The following GLDC variants were observed in gnomAD, a reference collection of about 807,000 sequenced individuals.
The protein encoded by GLDC is glycine decarboxylase, also known as glycine dehydrogenase (decarboxylating), mitochondrial.
In GLDC, 104 loss-of-function variants were observed where a neutral mutation model predicts 121.3. The observed-to-expected ratio is 0.86, with a 90% CI of 0.73 to 1.01. The LOEUF is 1.01. Ranked by LOEUF, GLDC falls within the 50% of genes least tolerant of loss-of-function variation. GLDC has a pLI of 0.00. For synonymous variants in GLDC, 546 were observed against 480.6 expected (o/e 1.14, Z -1.78); for missense variants, 1,429 against 1,306.6 (o/e 1.09, Z -1.44).
intron 15 of GLDC, among the ~76,000 whole-genome samples, chr9:6,571,468 T>C (rs1453173662): frequency 6.6e-6 from 1 of 152,174 alleles, no homozygotes; most frequent in Non-Finnish European, 1.5e-5. Context: ...CACTACTAAA[T>C]AAAATAAGGG....
intron 17 of GLDC, among the ~76,000 whole-genome samples, chr9:6,557,026 T>C (rs182688707): frequency 3.2e-4 from 49 of 152,286 alleles, no homozygotes; most frequent in African/African-American, 1.1e-3. Flanking sequence ...ATCCATTCCT[T>C]TCCCTTGCCT....
At chr9:6,597,023 T>C (rs1587954329) in intron 8 of GLDC, among the ~76,000 whole-genome samples, 2 of 152,150 alleles carry the variant, frequency 1.3e-5, no homozygotes, top group Admixed American at 6.5e-5. Flanking sequence ...GTCCAAACAA[T>C]GGGATATTAC....
At chr9:6,561,129 T>C (rs1328968173) in intron 16 of GLDC, among the ~76,000 whole-genome samples, 1 of 152,204 alleles carries the variant, frequency 6.6e-6, no homozygotes, top group Non-Finnish European at 1.5e-5. Flanking sequence ...TCTGCAACTA[T>C]AAGAAAATTA....
intron 17 of GLDC, among the ~76,000 whole-genome samples, chr9:6,556,564 G>A (rs963435429): frequency 1.2e-4 from 19 of 152,160 alleles, no homozygotes; most frequent in African/African-American, 3.4e-4. Flanking sequence ...AGGCCGAGGC[G>A]GGCAGATCAC....
At chr9:6,551,934 G>A (rs963434408) in intron 20 of GLDC, among the ~76,000 whole-genome samples, 2 of 152,220 alleles carry the variant, frequency 1.3e-5, no homozygotes, top group African/African-American at 4.8e-5. Flanking sequence ...TAAAAATGCA[G>A]ACGGCTTAAG....
rs748941890 is a variant in GLDC at position 6,604,671 on chromosome 9, G to A, written c.975C>T (p.Gly325=). Reference sequence around the variant, plus strand: ...AAAATGCTGCATGGGGTCCCCCATAGCCCAGTGGCACTCCAAATCTCTGGG... The same window carrying A: ...AAAATGCTGCATGGGGTCCCCCATAACCCAGTGGCACTCCAAATCTCTGGG... ...GSSQRFGVPL[G]YGGPHAAFFA... Residue 325 remains glycine, a synonymous_variant, in exon 7 of 25, where the codon GGC becomes GGT. Coordinates refer to ENST00000321612, the MANE Select transcript of GLDC (RefSeq NM_000170.3). 2 of 1,613,984 alleles carry A rather than the reference G, an allele frequency of 1.2e-6. No homozygotes were observed. The highest frequency in any genetic ancestry group is 1.7e-5 in the Admixed American group (1 of 60,002).
In GLDC at chr9:6,553,412, A is replaced by G; in HGVS notation, c.2413T>C (p.Trp805Arg). The G allele has an allele frequency of 6.2e-7, 1 of 1,613,742 alleles. No homozygotes were observed. The highest frequency in any genetic ancestry group is 1.3e-5 in the African/African-American group (1 of 75,022). ...ATGGGCAAGATGGAACTGGAGCCCC[A>G]TGGGGCCGCACTGACGGTTCCCACA... ...CPVGTVSAAP[W>R]GSSSILPISW... Residue 805 changes from tryptophan to arginine, a missense_variant, in exon 20 of 25, where the codon TGG (tryptophan) becomes CGG (arginine). By Grantham distance (101) the Trp-to-Arg change is moderately radical. Coordinates refer to ENST00000321612, the MANE Select transcript of GLDC (RefSeq NM_000170.3).
At chr9:6,632,482 G>A (rs1338760313) in intron 2 of GLDC, among the ~76,000 whole-genome samples, 5 of 152,172 alleles carry the variant, frequency 3.3e-5, no homozygotes, top group Non-Finnish European at 7.4e-5. Flanking sequence ...ATTTTTGTAT[G>A]AATACTCTGG....
chr9:6,553,990 GA>G (rs952340876), intron 19 of GLDC, among the ~76,000 whole-genome samples: 26 of 146,974 alleles, frequency 1.8e-4, no homozygotes, highest in African/African-American at 4.0e-4. Flanking sequence ...CGTAGTCCAA[GA>G]AAAAAAAAAC....
In GLDC at chr9:6,607,987, G is replaced by A. The variant is rs113073519; in HGVS notation, c.636-1318C>T. ...AAAATACAAAAATTAGCTGGGCATG[G>A]TGGCATGGGCCTATAGTCCCAGCTG... On this transcript the variant is annotated intron_variant, in intron 4 of 24. Transcript: ENST00000321612. Among the ~76,000 whole-genome samples, 559 of 152,138 alleles carry A rather than the reference G, an allele frequency of 3.7e-3. 2 individuals are homozygous for A. The highest frequency in any genetic ancestry group is 0.013 in the African/African-American group (536 of 41,516).
At chr9:6,551,910 AT>A (rs1292857489) in intron 20 of GLDC, among the ~76,000 whole-genome samples, 2 of 152,158 alleles carry the variant, frequency 1.3e-5, no homozygotes, top group African/African-American at 4.8e-5. Flanking sequence ...CCTATGTCTC[AT>A]GGGGGGATTT....
At chr9:6,617,825 G>A (rs1312739698) in intron 3 of GLDC, among the ~76,000 whole-genome samples, 2 of 152,212 alleles carry the variant, frequency 1.3e-5, no homozygotes. Flanking sequence ...TTATCAAATT[G>A]TTAACACTCA....
At chr9:6,638,450 G>A (rs1380453699) in intron 2 of GLDC, among the ~76,000 whole-genome samples, 2 of 151,900 alleles carry the variant, frequency 1.3e-5, no homozygotes, top group Non-Finnish European at 2.9e-5. Context: ...CCGGACCTCA[G>A]ATGATCCACC....
In GLDC at chr9:6,534,692, G is replaced by C. The variant is rs775233747; in HGVS notation, c.2919+16C>G. The C allele has an allele frequency of 1.1e-5, 16 of 1,444,748 alleles. No individual in the cohort carries two copies. The highest frequency in any genetic ancestry group is 1.7e-5 in the Admixed American group (1 of 59,650). 89.5% of individuals were successfully genotyped at this position (1,444,748 alleles called of 1,614,324 possible). A position where few individuals can be genotyped will look rare whatever the true frequency, so the allele number is the denominator to read the frequency against. ...CATGCCTTCCCAGCTGGCACATTCA[G>C]ATTCAGAGAACTTACGAGTGGGAAT... is the stretch of plus-strand genomic sequence containing the variant. On this transcript the variant is annotated intron_variant, in intron 24 of 24. Transcript: ENST00000321612.
In GLDC at chr9:6,643,420, C is replaced by T. The variant is rs997425382; in HGVS notation, c.334+1194G>A. Among the ~76,000 whole-genome samples, 3 of 150,284 alleles carry T rather than the reference C, an allele frequency of 2.0e-5. No homozygotes were observed. The Admixed American group carries it at 2.0e-4, about 10-fold the overall frequency. On this transcript the variant is annotated intron_variant, in intron 2 of 24. Transcript: ENST00000321612. ...AACAAAATAAAGCTTGCCATCTGCACACTAGATCCTTTCTATCATAGCAAC... is the reference window on the plus strand; with the variant it reads ...AACAAAATAAAGCTTGCCATCTGCATACTAGATCCTTTCTATCATAGCAAC...
intron 15 of GLDC, among the ~76,000 whole-genome samples, chr9:6,585,860 G>GTATCTATC (rs1323723139): frequency 9.9e-4 from 116 of 116,658 alleles, no homozygotes; most frequent in African/African-American, 3.4e-3. Flanking sequence ...ATGTATGTAT[G>GTATCTATC]TATGTATGTA....
intron 3 of GLDC, among the ~76,000 whole-genome samples, chr9:6,614,154 G>A (rs765527004): frequency 6.6e-6 from 1 of 152,130 alleles, no homozygotes; most frequent in African/African-American, 2.4e-5. Flanking sequence ...ATATCTGTCT[G>A]CATTCTCTTA....
At chr9:6,600,905 T>A (rs1449689627) in intron 8 of GLDC, among the ~76,000 whole-genome samples, 1 of 152,132 alleles carries the variant, frequency 6.6e-6, no homozygotes, top group East Asian at 1.9e-4. Flanking sequence ...CCAGGTGCAG[T>A]GGCTCATGCT....
At chr9:6,544,680 A>G (rs910668074) in intron 21 of GLDC, among the ~76,000 whole-genome samples, 3 of 151,790 alleles carry the variant, frequency 2.0e-5, no homozygotes, top group African/African-American at 7.3e-5. Context: ...ATAAGAAATT[A>G]AAACATAAAG....
Sources: gnomAD v4.1 joint callset for allele counts (sites outside exome capture counted in the v4.1 genomes callset) on GRCh38, gnomAD v4.1.1 for gene constraint, MANE v1.5 for transcripts, NCBI Gene and HGNC (gene_info 2026-07-23, HGNC 2026-07-21) for gene names.